Variants in CSRP1 observed in about 807,000 individuals in gnomAD.
The protein encoded by CSRP1 is cysteine and glycine-rich protein 1.
CSRP1 carries 16 observed loss-of-function variants against 25.4 expected under a neutral mutation model. The observed-to-expected ratio is 0.63, with a 90% CI of 0.43 to 0.96. The LOEUF (loss-of-function observed/expected upper bound fraction) is 0.96. Among genes scored for constraint, CSRP1 ranks in the 40% least tolerant of loss-of-function variants. The pLI is 0.00. For missense variants in CSRP1, 212 were observed against 243.6 expected (o/e 0.87, Z 0.86); for synonymous variants, 97 against 95.3 (o/e 1.02, Z -0.10).
chr1:201,487,101 A>G (rs1327697629), intron 4 of CSRP1: 5 of 709,430 alleles, frequency 7.0e-6, no homozygotes, highest in African/African-American at 1.9e-5. Flanking sequence ...TACATGTACT[A>G]TCTCATTTAA....
At chr1:201,501,972 A>G (rs1347358326) in intron 1 of CSRP1, among the ~76,000 whole-genome samples, 2 of 149,924 alleles carry the variant, frequency 1.3e-5, no homozygotes, top group Middle Eastern at 3.4e-3. Flanking sequence ...AGCCTGGGCA[A>G]TAAAGCAATA....
At chr1:201,501,460 G>T (rs1664667445) in intron 1 of CSRP1, among the ~76,000 whole-genome samples, 1 of 152,134 alleles carries the variant, frequency 6.6e-6, no homozygotes, top group Non-Finnish European at 1.5e-5. Flanking sequence ...ATTTTCTACT[G>T]AATGGCTGGA....
rs1444311676 is a variant in CSRP1 at position 201,490,013 on chromosome 1, C to T, written c.281+163G>A. 7.7e-6 allele frequency: 5 copies of T among 651,024 alleles called. No homozygotes were observed. The South Asian group carries it at 1.2e-4, about 16-fold the overall frequency. The allele number at this position is 651,024 out of a possible 1,614,324, so 40.3% of individuals were successfully genotyped here. A position where few individuals can be genotyped will look rare whatever the true frequency, so the allele number is the denominator to read the frequency against. On this transcript the variant is annotated intron_variant, in intron 3 of 5. Coordinates refer to ENST00000340006, the MANE Select transcript of CSRP1 (RefSeq NM_004078.3). ...GTCCCTGCTGCATCCCCAGCTCCTGCAGCAGCCTGACACATAGACACTGCT... is the reference window on the plus strand; with the variant it reads ...GTCCCTGCTGCATCCCCAGCTCCTGTAGCAGCCTGACACATAGACACTGCT...
intron 4 of CSRP1, 95 bp from the exon 5 acceptor site, chr1:201,485,471 G>C: frequency 1.7e-5 from 18 of 1,081,618 alleles, no homozygotes; most frequent in Admixed American, 9.8e-5. Context: ...TGGTATAAGG[G>C]CTCAAGCCAC....
rs185705352 is a variant in CSRP1, at chr1:201,496,379, G to T, written c.-1-75C>A. On this transcript the variant is annotated intron_variant, in intron 1 of 5. Transcript: ENST00000340006. ...ATCTCAGATTGTCCACGACAGAAAT[G>T]CAACAGCCAGATCCAGAGGAGAGAA... The T allele has an allele frequency of 1.4e-3, 1,667 of 1,213,222 alleles. 10 individuals carry two copies. Among genetic ancestry groups the T allele is most frequent in the Non-Finnish European group, 4.4e-4 (365 of 824,094 alleles). 75.2% of individuals were successfully genotyped at this position (1,213,222 alleles called of 1,614,324 possible).
intron 2 of CSRP1, among the ~76,000 whole-genome samples, chr1:201,494,849 CGTGTGTGCGCATGTGTGTGTGCAT>C: frequency 6.6e-6 from 1 of 151,984 alleles, no homozygotes; most frequent in Admixed American, 6.5e-5. Context: ...TGCGTGTGCA[CGTGTGTGCGCATGTGTGTGTGCAT>C]ATCATTTCTT....
chr1:201,486,384 A>G, intron 4 of CSRP1: 1 of 985,556 alleles, frequency 1.0e-6, no homozygotes, highest in Non-Finnish European at 1.2e-6. Context: ...GCAGTCAGAT[A>G]AGACAAAACA....
chr1:201,493,452 T>G (rs1664406236), intron 2 of CSRP1, among the ~76,000 whole-genome samples: 1 of 152,184 alleles, frequency 6.6e-6, no homozygotes, highest in Non-Finnish European at 1.5e-5. Flanking sequence ...TAAATGGGAG[T>G]TCCCCCATAC....
chr1:201,489,682 AG>A (rs1664268325), intron 3 of CSRP1: 1 of 155,308 alleles, frequency 6.4e-6, no homozygotes, highest in Non-Finnish European at 1.4e-5. Flanking sequence ...TAAAAAGAGG[AG>A]GCAACATGGT....
At chr1:201,487,606 C>T (rs1664188622) in intron 4 of CSRP1, 1 of 152,198 alleles carries the variant, frequency 6.6e-6, no homozygotes, top group South Asian at 2.1e-4. Context: ...GTCTAGAGTC[C>T]AAGCTCTTAA....
At chr1:201,491,946 A>T (rs530035992) in intron 2 of CSRP1, 1 of 152,248 alleles carries the variant, frequency 6.6e-6, no homozygotes, top group Non-Finnish European at 1.5e-5. Context: ...CTTCAGACTA[A>T]ATAAGGACCC....
At chr1:201,490,782 A>G (rs1176812908) in intron 2 of CSRP1, 1 of 158,296 alleles carries the variant, frequency 6.3e-6, no homozygotes, top group Non-Finnish European at 1.4e-5. Flanking sequence ...CCTGCCTTCA[A>G]CAGTGGAATC....
chr1:201,490,447 A>G (rs1664302056), intron 2 of CSRP1, 103 bp from the exon 3 acceptor site: 1 of 1,203,886 alleles, frequency 8.3e-7, no homozygotes, highest in Admixed American at 2.0e-5. Flanking sequence ...CTCTTTGCAT[A>G]CATAATATCC....
chr1:201,499,496 C>G (rs1278830061), intron 1 of CSRP1, among the ~76,000 whole-genome samples: 1 of 152,198 alleles, frequency 6.6e-6, no homozygotes, highest in African/African-American at 2.4e-5. Flanking sequence ...TACAGACCCA[C>G]ACAAGCTCTC....
At chr1:201,506,757 G>GCGTCAGTGGCGCGCAGA (rs1332972517) in intron 1 of CSRP1, 1 of 152,256 alleles carries the variant, frequency 6.6e-6, no homozygotes. Context: ...CATACAATGA[G>GCGTCAGTGGCGCGCAGA]CGTCAGTGGC....
chr1:201,498,815 C>T (rs1664584929), intron 1 of CSRP1, among the ~76,000 whole-genome samples: 1 of 152,160 alleles, frequency 6.6e-6, no homozygotes, highest in Non-Finnish European at 1.5e-5. Context: ...GAGCCTGGCT[C>T]CTAGTGGAGG....
In CSRP1 at chr1:201,484,650, G is replaced by A; in HGVS notation, c.*63C>T. 6.9e-7 allele frequency: 1 copy of A among 1,443,252 alleles called. No individual in the cohort carries two copies. The highest frequency in any genetic ancestry group is 1.2e-5 in the South Asian group (1 of 83,212). 89.4% of individuals were successfully genotyped at this position (1,443,252 alleles called of 1,614,324 possible). On this transcript the variant is annotated 3_prime_UTR_variant, in exon 6 of 6. Coordinates refer to ENST00000340006, the MANE Select transcript of CSRP1 (RefSeq NM_004078.3). ...AATAATCCTGGAGGTCTCCAAAGCTGCTGGGAATGGAATGGCGATGAAAAG... is the reference window on the plus strand; with the variant it reads ...AATAATCCTGGAGGTCTCCAAAGCTACTGGGAATGGAATGGCGATGAAAAG...
At chr1:201,493,305 A>G (rs1664402201) in intron 2 of CSRP1, among the ~76,000 whole-genome samples, 1 of 152,210 alleles carries the variant, frequency 6.6e-6, no homozygotes, top group Non-Finnish European at 1.5e-5. Context: ...CACTCAGGAA[A>G]GGGCACTGAT....
Position 201,483,960 on chromosome 1 carries a change from T to G in CSRP1, c.*753A>C. On this transcript the variant is annotated 3_prime_UTR_variant, in exon 6 of 6. Transcript: ENST00000340006. ...GATAAATGAAGATTTGAGCCATTGATAAATGCCAATATATGTTTCAGGTAT... is the reference window on the plus strand; with the variant it reads ...GATAAATGAAGATTTGAGCCATTGAGAAATGCCAATATATGTTTCAGGTAT... The G allele has an allele frequency of 1.5e-6, 1 of 682,880 alleles. No homozygotes were observed. Among genetic ancestry groups the G allele is most frequent in the Non-Finnish European group, 2.7e-6 (1 of 368,836 alleles). The allele number at this position is 682,880 out of a possible 1,614,324, so 42.3% of individuals were successfully genotyped here. A position where few individuals can be genotyped will look rare whatever the true frequency, so the allele number is the denominator to read the frequency against.
Sources: gnomAD v4.1 joint callset for allele counts (sites outside exome capture counted in the v4.1 genomes callset) on GRCh38, gnomAD v4.1.1 for gene constraint, MANE v1.5 for transcripts, NCBI Gene and HGNC (gene_info 2026-07-23, HGNC 2026-07-21) for gene names.